GRK3: variants seen among roughly 807,000 people sequenced by gnomAD.
The protein encoded by GRK3 is G protein-coupled receptor kinase 3.
Under a neutral mutation model 95.7 loss-of-function variants are expected in GRK3, and 54 were observed. That is an observed-to-expected ratio of 0.56 (90% CI 0.45 to 0.71). The LOEUF (loss-of-function observed/expected upper bound fraction) is 0.71. Among genes scored for constraint, GRK3 ranks in the 30% least tolerant of loss-of-function variants. The pLI is 0.00. For synonymous variants in GRK3, 281 were observed against 290.8 expected, an observed-to-expected ratio of 0.97 and a Z score of 0.34; for missense variants, 649 against 851.2, an observed-to-expected ratio of 0.76 and a Z score of 2.96.
chr22:25,673,161 AC>A (rs2084998398), intron 7 of GRK3, among the ~76,000 whole-genome samples: 1 of 151,030 alleles, frequency 6.6e-6, no homozygotes, highest in Non-Finnish European at 1.5e-5. Flanking sequence ...TCCCGGGTTC[AC>A]ACCATTCTCC....
At chr22:25,641,028 G>A (rs776376368) in intron 2 of GRK3, among the ~76,000 whole-genome samples, 2 of 152,126 alleles carry the variant, frequency 1.3e-5, no homozygotes, top group Non-Finnish European at 1.5e-5. Flanking sequence ...GGTAAGTTGC[G>A]TTCAGCCTAG....
intron 11 of GRK3, among the ~76,000 whole-genome samples, chr22:25,689,588 TGGA>T (rs1292762809): frequency 2.0e-5 from 3 of 152,246 alleles, no homozygotes; most frequent in African/African-American, 7.2e-5. Flanking sequence ...CTAATCTTCA[TGGA>T]TACATTTCAT....
chr22:25,709,315 G>A (rs2085325620), intron 15 of GRK3, among the ~76,000 whole-genome samples: 1 of 152,140 alleles, frequency 6.6e-6, no homozygotes, highest in African/African-American at 2.4e-5. Flanking sequence ...GGGATTACAG[G>A]CGTGAGCCAC....
chr22:25,676,690 C>CAAA (rs34695269), intron 8 of GRK3, among the ~76,000 whole-genome samples: 1,748 of 123,226 alleles, frequency 0.014, 37 homozygotes, highest in African/African-American at 0.043. Flanking sequence ...GACTCAGTCT[C>CAAA]AAAAAAAAAA....
At chr22:25,711,393 T>A (rs1222852934) in intron 17 of GRK3, among the ~76,000 whole-genome samples, 1 of 152,154 alleles carries the variant, frequency 6.6e-6, no homozygotes, top group Non-Finnish European at 1.5e-5. Context: ...AAAATATTAT[T>A]GATTTGGAAT....
At position 25,564,792 on chromosome 22, in the gene GRK3, G is replaced by C. The variant is rs1931374152; in HGVS notation, c.-249G>C. 2 of 149,128 alleles carry C rather than the reference G, an allele frequency of 1.3e-5. No homozygotes were observed. Among genetic ancestry groups the C allele is most frequent in the Admixed American group, 1.3e-4 (2 of 14,998 alleles). 9.2% of individuals were successfully genotyped at this position (149,128 alleles called of 1,614,324 possible). On this transcript the variant is annotated 5_prime_UTR_variant, in exon 1 of 21. Transcript: ENST00000324198. ...TGAAGGAGCAGGGGGCGGCGCGCGT[G>C]CGCGGGGCGCCGGGCGGCGCGCGAG...
chr22:25,570,259 G>A (rs1459249043), intron 1 of GRK3, among the ~76,000 whole-genome samples: 4 of 152,074 alleles, frequency 2.6e-5, no homozygotes, highest in African/African-American at 9.7e-5. Context: ...TTTAACACAA[G>A]TCATGCAATC....
rs1391072634 is a variant in GRK3 at position 25,728,448 on chromosome 22, G to A, written c.*5998G>A. ...GGTTTGTTTCTAAAGCCACGGTATT[G>A]TCCAGGAGCCCCTGTGTGTGGGGCA... is the stretch of plus-strand genomic sequence containing the variant. On this transcript the variant is annotated 3_prime_UTR_variant, in exon 21 of 21. Transcript: ENST00000324198. The A allele has an allele frequency of 6.6e-6, 1 of 152,212 alleles. No homozygotes were observed. The highest frequency in any genetic ancestry group is 1.5e-5 in the Non-Finnish European group (1 of 68,054). 9.4% of individuals were successfully genotyped at this position (152,212 alleles called of 1,614,324 possible).
rs965341270 is a variant in GRK3 at position 25,722,562 on chromosome 22, C to G, written c.*112C>G. 1 of 1,168,102 alleles carries G rather than the reference C, an allele frequency of 8.6e-7. No individual in the cohort carries two copies. Among genetic ancestry groups the G allele is most frequent in the Non-Finnish European group, 1.2e-6 (1 of 833,988 alleles). 72.4% of individuals were successfully genotyped at this position (1,168,102 alleles called of 1,614,324 possible). A position where few individuals can be genotyped will look rare whatever the true frequency, so the allele number is the denominator to read the frequency against. ...CGCTACCGGGACTCCTCCAGGCTCC[C>G]GAGAGGAGTCGGGACCCTTCGGCTT... On this transcript the variant is annotated 3_prime_UTR_variant, in exon 21 of 21. Coordinates refer to ENST00000324198, the MANE Select transcript of GRK3 (RefSeq NM_005160.4).
At chr22:25,602,151 A>T (rs956942054) in intron 1 of GRK3, among the ~76,000 whole-genome samples, 3 of 152,252 alleles carry the variant, frequency 2.0e-5, no homozygotes, top group Non-Finnish European at 4.4e-5. Context: ...AAAAGGTAGA[A>T]AAAACATTTG....
chr22:25,645,694 G>A (rs1033612121), intron 3 of GRK3, among the ~76,000 whole-genome samples: 4 of 152,174 alleles, frequency 2.6e-5, no homozygotes, highest in Admixed American at 6.5e-5. Flanking sequence ...AGGCCGAGGC[G>A]GGTGGATCAC....
At chr22:25,688,024 C>G (rs1048564953) in intron 11 of GRK3, among the ~76,000 whole-genome samples, 2 of 152,110 alleles carry the variant, frequency 1.3e-5, no homozygotes, top group Admixed American at 1.3e-4. Flanking sequence ...ATCACAAGGT[C>G]AGGAGATCAA....
intron 3 of GRK3, chr22:25,647,218 G>A (rs1405074727): frequency 2.2e-5 from 4 of 182,856 alleles, no homozygotes; most frequent in Non-Finnish European, 3.9e-5. Context: ...CGGAGCTGCA[G>A]CAGCAGCGAC....
intron 1 of GRK3, among the ~76,000 whole-genome samples, chr22:25,576,517 A>T (rs1931904571): frequency 6.6e-6 from 1 of 152,234 alleles, no homozygotes; most frequent in South Asian, 2.1e-4. Flanking sequence ...TAAAGTTTTT[A>T]TTCTCAGAGA....
chr22:25,684,418 T>C (rs1481453385), intron 9 of GRK3: 1 of 152,240 alleles, frequency 6.6e-6, no homozygotes, highest in Non-Finnish European at 1.5e-5. Flanking sequence ...ATAGCTTAAT[T>C]AGGGGAACAC....
chr22:25,691,245 T>C (rs541022218), intron 12 of GRK3, among the ~76,000 whole-genome samples: 1 of 152,332 alleles, frequency 6.6e-6, no homozygotes, highest in African/African-American at 2.4e-5. Context: ...ACTGAATCTT[T>C]TAAAATTACA....
At chr22:25,689,849 TGCTGTTGTGGCTGCGCAACAGTCCTTG>T (rs539318348) in intron 11 of GRK3, among the ~76,000 whole-genome samples, 4 of 152,324 alleles carry the variant, frequency 2.6e-5, no homozygotes, top group African/African-American at 9.6e-5. Context: ...TTGAGAGGCA[TGCTGTTGTGGCTGCGCAACAGTCCTTG>T]GTACAGTGAA....
chr22:25,687,906 C>G (rs542379107), intron 11 of GRK3, among the ~76,000 whole-genome samples: 2 of 152,136 alleles, frequency 1.3e-5, no homozygotes, highest in Admixed American at 6.5e-5. Context: ...TGCTGCAGCA[C>G]GTATACTAAG....
intron 2 of GRK3, among the ~76,000 whole-genome samples, chr22:25,605,342 A>C (rs1187565045): frequency 6.6e-6 from 1 of 152,186 alleles, no homozygotes; most frequent in Non-Finnish European, 1.5e-5. Flanking sequence ...AGATAAGTTA[A>C]AAGAGTTTGG....
Sources: gnomAD v4.1 joint callset for allele counts (sites outside exome capture counted in the v4.1 genomes callset) on GRCh38, gnomAD v4.1.1 for gene constraint, MANE v1.5 for transcripts, NCBI Gene and HGNC (gene_info 2026-07-23, HGNC 2026-07-21) for gene names.